Variants in TSHZ3 observed in about 807,000 individuals in gnomAD.
The protein encoded by TSHZ3 is teashirt homolog 3.
In TSHZ3, 10 loss-of-function variants were observed where a neutral mutation model predicts 64.5. The observed-to-expected ratio is 0.16, with a 90% CI of 0.10 to 0.26. The LOEUF (loss-of-function observed/expected upper bound fraction) is 0.26, where lower values mean the gene tolerates loss of function less well. TSHZ3 is among the 10% of genes least tolerant of loss of function. TSHZ3 has a pLI of 1.00. For synonymous variants in TSHZ3, 608 were observed against 593.1 expected, an observed-to-expected ratio of 1.03 and a Z score of -0.36; for missense variants, 1,242 against 1,421.7, an observed-to-expected ratio of 0.87 and a Z score of 2.03.
At chr19:31,203,161 G>A (rs573205710) in intron 5 of TSHZ3, among the ~76,000 whole-genome samples, 1 of 152,180 alleles carries the variant, frequency 6.6e-6, no homozygotes, top group Non-Finnish European at 1.5e-5. Context: ...GTGACTTGAA[G>A]AAAGTGAGAA....
At chr19:31,282,227 A>G (rs1976374573) in intron 1 of TSHZ3, among the ~76,000 whole-genome samples, 1 of 152,106 alleles carries the variant, frequency 6.6e-6, no homozygotes. Context: ...AGACTCAAGG[A>G]AATGCCCAGG....
intron 5 of TSHZ3, among the ~76,000 whole-genome samples, chr19:31,175,495 A>C (rs901748702): frequency 1.3e-5 from 2 of 152,148 alleles, no homozygotes; most frequent in African/African-American, 4.8e-5. Context: ...TGCTCTGATA[A>C]ACCTTCCTCT....
Position 31,279,848 on chromosome 19 carries a change from T to C in TSHZ3, c.41-96A>G. 8.8e-7 allele frequency: 1 copy of C among 1,136,892 alleles called. No individual in the cohort carries two copies. Among genetic ancestry groups the C allele is most frequent in the Non-Finnish European group, 1.2e-6 (1 of 847,438 alleles). The allele number at this position is 1,136,892 out of a possible 1,614,324, so 70.4% of individuals were successfully genotyped here. On this transcript the variant is annotated intron_variant, in intron 1 of 1. Coordinates refer to ENST00000240587, the MANE Select transcript of TSHZ3 (RefSeq NM_020856.4). The surrounding 1 kb of genome is among the most constrained non-coding windows in gnomAD (Gnocchi z 6.4). ...AGAAAAAAAAAAGCATTAGTACTTG[T>C]TGATCTTACCTAGAATATGTTCTGG...
At chr19:31,174,120 G>T (rs182269819) in intron 5 of TSHZ3, among the ~76,000 whole-genome samples, 72 of 152,306 alleles carry the variant, frequency 4.7e-4, no homozygotes, top group African/African-American at 1.6e-3. Flanking sequence ...GACTATGGTG[G>T]CTTAGAAGTC....
At chr19:31,305,231 T>G (rs528200180) in intron 1 of TSHZ3, among the ~76,000 whole-genome samples, 1 of 152,080 alleles carries the variant, frequency 6.6e-6, no homozygotes, top group African/African-American at 2.4e-5. Flanking sequence ...GGCAATTTCA[T>G]GAAATTCTGT....
At chr19:31,289,094 T>C (rs1976516558) in intron 1 of TSHZ3, among the ~76,000 whole-genome samples, 1 of 152,236 alleles carries the variant, frequency 6.6e-6, no homozygotes, top group South Asian at 2.1e-4. Flanking sequence ...AGGACTTTTC[T>C]AAGTTAAAGA....
In TSHZ3 at chr19:31,275,963, A is replaced by G. The variant is rs1024967809; in HGVS notation, c.*584T>C. The G allele has an allele frequency of 6.5e-6, 1 of 152,746 alleles. No homozygotes were observed. The highest frequency in any genetic ancestry group is 2.4e-5 in the African/African-American group (1 of 41,568). The allele number at this position is 152,746 out of a possible 1,614,324, so 9.5% of individuals were successfully genotyped here. Reference sequence around the variant, plus strand: ...AGTCTGAAATCTATACAATATATACATCTATGTTTCAATGTGAAAATAATA... The same window carrying G: ...AGTCTGAAATCTATACAATATATACGTCTATGTTTCAATGTGAAAATAATA... On this transcript the variant is annotated 3_prime_UTR_variant, in exon 2 of 2. Coordinates refer to ENST00000240587, the MANE Select transcript of TSHZ3 (RefSeq NM_020856.4).
At chr19:31,268,045 C>A (rs1976078765) in intron 1 of TSHZ3, among the ~76,000 whole-genome samples, 3 of 152,066 alleles carry the variant, frequency 2.0e-5, no homozygotes, top group Admixed American at 2.0e-4. Context: ...GGGGGTGGGT[C>A]TTTCCCATGC....
intron 5 of TSHZ3, among the ~76,000 whole-genome samples, chr19:31,202,412 T>A (rs868439796): frequency 5.3e-5 from 8 of 152,210 alleles, no homozygotes; most frequent in Admixed American, 5.2e-4. Flanking sequence ...TTTCTTTTTT[T>A]AAATGTGATA....
chr19:31,177,995 G>A (rs1974638721), intron 5 of TSHZ3, among the ~76,000 whole-genome samples: 1 of 152,150 alleles, frequency 6.6e-6, no homozygotes, highest in Non-Finnish European at 1.5e-5. Flanking sequence ...GGCATTGGTG[G>A]CTGCAAGTGT....
intron 3 of TSHZ3, among the ~76,000 whole-genome samples, chr19:31,239,955 G>A (rs1002245826): frequency 2.6e-5 from 4 of 152,110 alleles, no homozygotes; most frequent in South Asian, 2.1e-4. Context: ...TCTGTAATGC[G>A]TGTTTCCAGT....
rs766793830 is a variant in TSHZ3, at chr19:31,277,349, G to A, written c.2444C>T (p.Pro815Leu). ...SVLLSPTSTAPATSSSTVTTA... is the reference protein window; with the variant it reads ...SVLLSPTSTALATSSSTVTTA... Reference sequence around the variant, plus strand: ...TGTCACCGTGGATGAGGAGGTTGCCGGGGCTGTGGACGTGGGTGACAGAAG... The same window carrying A: ...TGTCACCGTGGATGAGGAGGTTGCCAGGGCTGTGGACGTGGGTGACAGAAG... The change falls in exon 2 of 2, where the codon CCG (proline) becomes CTG (leucine). Residue 815 changes from proline to leucine, a missense_variant. By Grantham distance (98) the Pro-to-Leu change is moderately conservative. This residue lies in a region of TSHZ3 where 550 missense variants were observed against 545.1 expected (regional missense o/e 1.01). Transcript: ENST00000240587. The surrounding 1 kb of genome is among the most constrained non-coding windows in gnomAD (Gnocchi z 4.5). The A allele has an allele frequency of 9.9e-6, 16 of 1,613,828 alleles. No individual in the cohort carries two copies. The highest frequency in any genetic ancestry group is 2.2e-5 in the South Asian group (2 of 91,088).
At chr19:31,222,277 C>T (rs8101967) in intron 4 of TSHZ3, among the ~76,000 whole-genome samples, 21,088 of 152,150 alleles carry the variant, frequency 0.14, 3,640 homozygotes, top group African/African-American at 0.41. Context: ...CTGTTTTACA[C>T]AGAAGCAAAA....
At chr19:31,157,078 T>C (rs1568332311) in intron 5 of TSHZ3, among the ~76,000 whole-genome samples, 1 of 151,010 alleles carries the variant, frequency 6.6e-6, no homozygotes. Context: ...GAATTGAACA[T>C]ATATTGACAT....
chr19:31,346,196 G>A (rs144074950), intron 1 of TSHZ3, among the ~76,000 whole-genome samples: 7 of 152,266 alleles, frequency 4.6e-5, no homozygotes, highest in Non-Finnish European at 8.8e-5. Context: ...GTGTACCTGT[G>A]TGCCACGTCT....
At chr19:31,214,363 AGCTAGCTTTGCT>A (rs1975298611) in intron 4 of TSHZ3, among the ~76,000 whole-genome samples, 1 of 152,212 alleles carries the variant, frequency 6.6e-6, no homozygotes, top group Non-Finnish European at 1.5e-5. Context: ...AGCCAAGAGG[AGCTAGCTTTGCT>A]GATGGTGTGG....
At chr19:31,283,943 T>TG (rs1976410243) in intron 1 of TSHZ3, among the ~76,000 whole-genome samples, 1 of 152,120 alleles carries the variant, frequency 6.6e-6, no homozygotes, top group Non-Finnish European at 1.5e-5. Flanking sequence ...GGCAGGGCTG[T>TG]CGAGAACCTG....
intron 1 of TSHZ3, among the ~76,000 whole-genome samples, chr19:31,269,423 C>T (rs368175654): frequency 1.3e-5 from 2 of 152,010 alleles, no homozygotes; most frequent in African/African-American, 2.4e-5. Flanking sequence ...GACTCCTTCC[C>T]GACAGACACA....
At chr19:31,315,062 G>C (rs1307260305) in intron 1 of TSHZ3, among the ~76,000 whole-genome samples, 1 of 152,182 alleles carries the variant, frequency 6.6e-6, no homozygotes, top group African/African-American at 2.4e-5. Context: ...TTCTGTCCTG[G>C]GCACAGATCA....
Sources: allele counts gnomAD v4.1 joint callset (sites outside exome capture counted in the v4.1 genomes callset), GRCh38; gene constraint gnomAD v4.1.1; regional missense constraint gnomAD v4.1.1; non-coding constraint Gnocchi (gnomAD v3.1); transcripts MANE v1.5; gene names NCBI Gene and HGNC (gene_info 2026-07-23, HGNC 2026-07-21).